The following SLC16A7 variants were observed in gnomAD, a reference collection of about 807,000 sequenced individuals.
SLC16A7 encodes monocarboxylate transporter 2.
SLC16A7 carries 33 observed loss-of-function variants against 34.9 expected under a neutral mutation model. The ratio of observed to expected loss-of-function variants is 0.94; its 90% confidence interval spans 0.72 to 1.26. The LOEUF is 1.26. Ranked by LOEUF, SLC16A7 falls within the 50% of genes most tolerant of loss-of-function variation. SLC16A7 has a pLI of 0.00. For missense variants in SLC16A7, 573 were observed against 578.1 expected, an observed-to-expected ratio of 0.99 and a Z score of 0.09; for synonymous variants, 201 against 206.6, an observed-to-expected ratio of 0.97 and a Z score of 0.23.
At chr12:59,766,595 G>T (rs992975480) in intron 3 of SLC16A7, among the ~76,000 whole-genome samples, 7 of 152,074 alleles carry the variant, frequency 4.6e-5, no homozygotes, top group African/African-American at 7.2e-5. Context: ...TAATCATGTG[G>T]TTTTTGTCTT....
chr12:59,621,578 A>G (rs17122725), intron 1 of SLC16A7, among the ~76,000 whole-genome samples: 1,847 of 151,944 alleles, frequency 0.012, 42 homozygotes, highest in African/African-American at 0.042. Flanking sequence ...TTTTCCTGTC[A>G]TTCTTAGATT....
intron 1 of SLC16A7, among the ~76,000 whole-genome samples, chr12:59,633,272 C>T (rs1367538805): frequency 7.2e-5 from 11 of 151,934 alleles, no homozygotes; most frequent in Admixed American, 7.2e-4. Context: ...TTGAGGGAAG[C>T]TATGATACTT....
At chr12:59,652,500 A>G (rs1245199445) in intron 1 of SLC16A7, among the ~76,000 whole-genome samples, 1 of 151,946 alleles carries the variant, frequency 6.6e-6, no homozygotes, top group Non-Finnish European at 1.5e-5. Flanking sequence ...TTAAAATAGC[A>G]GTATTGAAAT....
chr12:59,660,942 C>T (rs901828372), intron 2 of SLC16A7, among the ~76,000 whole-genome samples: 10 of 152,008 alleles, frequency 6.6e-5, no homozygotes, highest in African/African-American at 2.4e-4. Flanking sequence ...ATAATGACTT[C>T]TTATTTTACA....
intron 1 of SLC16A7, among the ~76,000 whole-genome samples, chr12:59,636,000 T>A (rs1880404919): frequency 2.3e-5 from 1 of 44,094 alleles, no homozygotes; most frequent in Non-Finnish European, 3.7e-5. Flanking sequence ...AATGCACTTC[T>A]GTAAAAAAAA....
chr12:59,626,208 AT>A (rs1415213426), intron 1 of SLC16A7, among the ~76,000 whole-genome samples: 1 of 151,122 alleles, frequency 6.6e-6, no homozygotes, highest in African/African-American at 2.4e-5. Context: ...TTAAGGGATA[AT>A]TTTTTATGTC....
Position 59,779,643 on chromosome 12 carries a change from A to G in SLC16A7, c.1401A>G (p.Ala467=). ...ATGTTAACGTCAAAGTTTCAAATGC[A>G]CAGAGTGTAACCTCAGAAAGAGAAA... ...SEDVNVKVSN[A]QSVTSERETN... Residue 467 remains alanine, a synonymous_variant, in exon 6 of 6, where the codon GCA becomes GCG. Transcript: ENST00000547379. 1.9e-6 allele frequency: 3 copies of G among 1,611,590 alleles called. No homozygotes were observed. Among genetic ancestry groups the G allele is most frequent in the Non-Finnish European group, 1.7e-6 (2 of 1,178,066 alleles).
intron 2 of SLC16A7, among the ~76,000 whole-genome samples, chr12:59,659,972 T>C (rs1285782507): frequency 1.3e-5 from 2 of 152,080 alleles, no homozygotes; most frequent in Admixed American, 6.6e-5. Flanking sequence ...AGAGGTTAGA[T>C]AATTTGTTCA....
At position 59,684,244 on chromosome 12, in the gene SLC16A7, A is replaced by T. The variant is rs145242658; in HGVS notation, c.-30-20528A>T. Among the ~76,000 whole-genome samples, 395 of 152,352 alleles carry T rather than the reference A, an allele frequency of 2.6e-3. 2 individuals carry two copies. Among genetic ancestry groups the T allele is most frequent in the Middle Eastern group, 0.017 (5 of 294 alleles). On this transcript the variant is annotated intron_variant, in intron 2 of 5. Transcript: ENST00000547379. Reference sequence around the variant, plus strand: ...CTAAGAAAATAACTAGAAAAGACTGATAAAAATAAAGTGTGAAAATTACTG... The same window carrying T: ...CTAAGAAAATAACTAGAAAAGACTGTTAAAAATAAAGTGTGAAAATTACTG...
chr12:59,683,351 G>T (rs112565137), intron 2 of SLC16A7, among the ~76,000 whole-genome samples: 10,837 of 152,248 alleles, frequency 0.071, 431 homozygotes, highest in Middle Eastern at 0.17. Context: ...GATTAATCCT[G>T]CTAGGATGTG....
intron 1 of SLC16A7, among the ~76,000 whole-genome samples, chr12:59,642,047 T>G (rs1010807070): frequency 1.1e-4 from 16 of 152,068 alleles, no homozygotes; most frequent in Non-Finnish European, 1.3e-4. Context: ...AAAATTATAA[T>G]GCTAATTCAT....
chr12:59,741,555 G>T (rs1275982135), intron 3 of SLC16A7, among the ~76,000 whole-genome samples: 3 of 152,194 alleles, frequency 2.0e-5, no homozygotes, highest in Non-Finnish European at 4.4e-5. Flanking sequence ...GAAATGAAAA[G>T]CAAGTTATCG....
At chr12:59,732,878 A>T (rs1175306382) in intron 3 of SLC16A7, among the ~76,000 whole-genome samples, 2 of 152,204 alleles carry the variant, frequency 1.3e-5, no homozygotes. Flanking sequence ...ACTGCTATGA[A>T]TTGACAGACA....
intron 1 of SLC16A7, among the ~76,000 whole-genome samples, chr12:59,608,322 TTTCA>T (rs1362847883): frequency 2.0e-5 from 3 of 152,204 alleles, no homozygotes; most frequent in African/African-American, 7.2e-5. Flanking sequence ...TTGAAAGCAT[TTTCA>T]TAAAGCAGTG....
At chr12:59,615,245 A>G (rs1270278381) in intron 1 of SLC16A7, among the ~76,000 whole-genome samples, 2 of 152,090 alleles carry the variant, frequency 1.3e-5, no homozygotes, top group African/African-American at 2.4e-5. Flanking sequence ...TGCATTCTTT[A>G]TAAATTACTC....
chr12:59,640,249 T>C lies in SLC16A7; in HGVS notation c.-129-14903T>C, dbSNP rs147776195. ...ATGTTGCTAGAAACAAAGAAGACAT[T>C]AGGCTCAACACAATTAGTAAGCAGA... On this transcript the variant is annotated intron_variant, in intron 1 of 5. Coordinates refer to ENST00000547379, the MANE Select transcript of SLC16A7 (RefSeq NM_001270623.2). Among the ~76,000 whole-genome samples the C allele has an allele frequency of 6.0e-3, 917 of 152,212 alleles. 8 individuals carry two copies. Among genetic ancestry groups the C allele is most frequent in the African/African-American group, 0.021 (877 of 41,556 alleles).
At position 59,627,712 on chromosome 12, in the gene SLC16A7, T is replaced by C. The variant is rs115170829; in HGVS notation, c.-129-27440T>C. Among the ~76,000 whole-genome samples the C allele has an allele frequency of 8.3e-3, 1,259 of 151,708 alleles. 15 individuals are homozygous for C. Among genetic ancestry groups the C allele is most frequent in the African/African-American group, 0.029 (1,211 of 41,462 alleles). ...TGTTTTTCTTTCTATTACCCAACAC[T>C]ATTATTGAAACCCCTTCTTTTTCCC... On this transcript the variant is annotated intron_variant, in intron 1 of 5. Transcript: ENST00000547379.
At chr12:59,601,235 C>A (rs571993067) in intron 1 of SLC16A7, among the ~76,000 whole-genome samples, 2 of 152,102 alleles carry the variant, frequency 1.3e-5, no homozygotes, top group African/African-American at 4.8e-5. Context: ...TACCTCTAAT[C>A]AGATTTCTAT....
intron 1 of SLC16A7, among the ~76,000 whole-genome samples, chr12:59,650,666 T>C (rs1440898853): frequency 1.3e-5 from 2 of 152,136 alleles, no homozygotes; most frequent in Admixed American, 1.3e-4. Context: ...TATTCACATA[T>C]AGTTATGTCC....
Sources: gnomAD v4.1 joint callset for allele counts (sites outside exome capture counted in the v4.1 genomes callset) on GRCh38, gnomAD v4.1.1 for gene constraint, MANE v1.5 for transcripts, NCBI Gene and HGNC (gene_info 2026-07-23, HGNC 2026-07-21) for gene names.